TOP6BL: variants seen among roughly 807,000 people sequenced by gnomAD.
TOP6BL encodes the protein type 2 DNA topoisomerase 6 subunit B-like.
chr11:66,799,437 C>G, the TOP6BL span, among the ~76,000 whole-genome samples: 1 of 151,586 alleles, frequency 6.6e-6, no homozygotes, highest in African/African-American at 2.4e-5. Context: ...TGGCTCATGC[C>G]TGTAATCCCA....
the TOP6BL span, among the ~76,000 whole-genome samples, chr11:66,803,159 A>G: frequency 6.6e-6 from 1 of 152,230 alleles, no homozygotes. Flanking sequence ...GAGCAGACTT[A>G]TAAGTATCAT....
the TOP6BL span, among the ~76,000 whole-genome samples, chr11:66,832,190 C>G: frequency 6.6e-6 from 1 of 151,360 alleles, no homozygotes; most frequent in Admixed American, 6.6e-5. Flanking sequence ...CTCCACCCCC[C>G]GGGTTCACAC....
the TOP6BL span, among the ~76,000 whole-genome samples, chr11:66,754,845 A>G: frequency 3.9e-5 from 6 of 152,120 alleles, no homozygotes; most frequent in East Asian, 1.9e-4. Context: ...TCTTCTCCCC[A>G]ATCCACACCA....
At chr11:66,810,663 A>G in the TOP6BL span, among the ~76,000 whole-genome samples, 1 of 152,208 alleles carries the variant, frequency 6.6e-6, no homozygotes, top group African/African-American at 2.4e-5. Context: ...GTGGCCCTTT[A>G]TATAATAGAA....
the TOP6BL span, chr11:66,816,065 C>T: frequency 1.2e-6 from 2 of 1,600,696 alleles, no homozygotes; most frequent in Non-Finnish European, 1.7e-6. Context: ...TTGGTGCTTC[C>T]AGATGTGAGT....
At chr11:66,744,834 C>CGGT in the TOP6BL span, 3 of 1,326,694 alleles carry the variant, frequency 2.3e-6, no homozygotes, top group Non-Finnish European at 2.9e-6. Context: ...GCGGCGGCGG[C>CGGT]GGCGGCGGCG....
At chr11:66,751,586 C>T in the TOP6BL span, among the ~76,000 whole-genome samples, 1 of 151,882 alleles carries the variant, frequency 6.6e-6, no homozygotes, top group East Asian at 1.9e-4. Context: ...ATCCACCTGC[C>T]TCAGCCTCCC....
the TOP6BL span, among the ~76,000 whole-genome samples, chr11:66,826,134 C>T: frequency 4.6e-5 from 7 of 152,140 alleles, no homozygotes; most frequent in African/African-American, 7.2e-5. Flanking sequence ...TGAGCCACCA[C>T]GCCCTGGCCT....
chr11:66,807,148 G>A, the TOP6BL span, among the ~76,000 whole-genome samples: 1 of 152,296 alleles, frequency 6.6e-6, no homozygotes, highest in South Asian at 2.1e-4. Flanking sequence ...CTCTAAGGAG[G>A]TGATGTTTTA....
At chr11:66,778,709 A>G in the TOP6BL span, among the ~76,000 whole-genome samples, 1 of 152,228 alleles carries the variant, frequency 6.6e-6, no homozygotes, top group Non-Finnish European at 1.5e-5. Flanking sequence ...TGCCAAGTCA[A>G]TCTTAAGCCA....
the TOP6BL span, chr11:66,758,421 C>G: frequency 6.7e-6 from 1 of 150,314 alleles, no homozygotes; most frequent in Admixed American, 6.7e-5. Context: ...ACGCCATTCC[C>G]CTGCCTCAGC....
chr11:66,825,695 G>A, the TOP6BL span, among the ~76,000 whole-genome samples: 2 of 152,120 alleles, frequency 1.3e-5, no homozygotes, highest in Admixed American at 6.5e-5. Context: ...TAGGAATTTG[G>A]TATAGCAGCC....
chr11:66,754,288 T>G, the TOP6BL span, among the ~76,000 whole-genome samples: 1 of 152,332 alleles, frequency 6.6e-6, no homozygotes, highest in African/African-American at 2.4e-5. Flanking sequence ...TTCTGCAACT[T>G]CTATTATTTA....
At chr11:66,765,021 A>G in the TOP6BL span, among the ~76,000 whole-genome samples, 1 of 152,268 alleles carries the variant, frequency 6.6e-6, no homozygotes, top group Non-Finnish European at 1.5e-5. Context: ...GGGAGGAGAT[A>G]GGAGCATTCC....
the TOP6BL span, chr11:66,748,453 A>G: frequency 2.6e-6 from 4 of 1,548,476 alleles, no homozygotes; most frequent in Middle Eastern, 1.7e-4. Context: ...AAGGGCAGCT[A>G]GTGATTTCCA....
At chr11:66,816,224 C>G in the TOP6BL span, 1 of 1,593,062 alleles carries the variant, frequency 6.3e-7, no homozygotes, top group Non-Finnish European at 8.6e-7. Context: ...ATGGGGTTGC[C>G]AGCTGGGGTG....
the TOP6BL span, chr11:66,761,794 G>A: frequency 1.2e-6 from 1 of 807,892 alleles, no homozygotes; most frequent in Admixed American, 1.7e-5. Context: ...TGGACCAAAA[G>A]CTAACTTCCC....
chr11:66,838,342 A>C, the TOP6BL span: 1 of 1,607,122 alleles, frequency 6.2e-7, no homozygotes, highest in South Asian at 1.1e-5. Flanking sequence ...TACAAAACTC[A>C]CTTAGGACTT....
the TOP6BL span, chr11:66,814,082 T>C: frequency 1.4e-6 from 2 of 1,451,436 alleles, no homozygotes; most frequent in Non-Finnish European, 1.9e-6. Context: ...TGAAAGGAAA[T>C]ATGAATAGAA....
Sources: gnomAD v4.1 joint callset for allele counts (sites outside exome capture counted in the v4.1 genomes callset) on GRCh38, gnomAD v4.1.1 for gene constraint, MANE v1.5 for transcripts, NCBI Gene and HGNC (gene_info 2026-07-23, HGNC 2026-07-21) for gene names.